COL19A1: variants seen among roughly 807,000 people sequenced by gnomAD.
The protein encoded by COL19A1 is collagen type XIX alpha 1 chain.
A neutral mutation model predicts 190.2 loss-of-function variants in COL19A1; 159 were observed. The observed-to-expected ratio is 0.84, with a 90% confidence interval of 0.73 to 0.95. COL19A1 has a LOEUF of 0.95. COL19A1 is among the 40% of genes least tolerant of loss of function. COL19A1 has a pLI of 0.00. For synonymous variants in COL19A1, 509 were observed against 458.9 expected, an observed-to-expected ratio of 1.11 and a Z score of -1.39; for missense variants, 1,418 against 1,431.9, an observed-to-expected ratio of 0.99 and a Z score of 0.16.
At chr6:70,006,126 A>C (rs1471663748) in intron 11 of COL19A1, among the ~76,000 whole-genome samples, 1 of 152,082 alleles carries the variant, frequency 6.6e-6, no homozygotes, top group Admixed American at 6.5e-5. Flanking sequence ...GCTGGCTGCT[A>C]CCCCTTCCTC....
intron 16 of COL19A1, among the ~76,000 whole-genome samples, chr6:70,103,880 A>G (rs1468921501): frequency 6.6e-6 from 1 of 152,208 alleles, no homozygotes; most frequent in Non-Finnish European, 1.5e-5. Flanking sequence ...TCTAGCCTAT[A>G]GCATGTGATT....
At chr6:70,146,117 G>A (rs897608011) in intron 25 of COL19A1, among the ~76,000 whole-genome samples, 3 of 152,114 alleles carry the variant, frequency 2.0e-5, no homozygotes, top group Non-Finnish European at 4.4e-5. Context: ...AAGATTCCTA[G>A]GTCCCCTGAA....
intron 1 of COL19A1, among the ~76,000 whole-genome samples, chr6:69,869,871 G>A (rs78590943): frequency 0.071 from 10,779 of 152,258 alleles, 537 homozygotes; most frequent in Middle Eastern, 0.23. Flanking sequence ...TAGTTTGGAA[G>A]TAACAGAAGT....
At chr6:69,934,745 A>G (rs549158033) in intron 7 of COL19A1, among the ~76,000 whole-genome samples, 55 of 152,098 alleles carry the variant, frequency 3.6e-4, no homozygotes, top group South Asian at 1.0e-3. Flanking sequence ...TTTGCTGACA[A>G]TTATTTGGAG....
At chr6:69,916,093 T>A (rs926821428) in intron 4 of COL19A1, among the ~76,000 whole-genome samples, 7 of 152,060 alleles carry the variant, frequency 4.6e-5, no homozygotes. Context: ...TCTGCCACCA[T>A]GCCTGGCTAA....
intron 2 of COL19A1, among the ~76,000 whole-genome samples, chr6:69,898,451 T>A (rs1769941559): frequency 6.6e-6 from 1 of 152,200 alleles, no homozygotes; most frequent in Non-Finnish European, 1.5e-5. Flanking sequence ...TTTCTTTTTT[T>A]AAAATTATAG....
At chr6:70,018,563 G>T (rs1315817213) in intron 11 of COL19A1, among the ~76,000 whole-genome samples, 2 of 152,068 alleles carry the variant, frequency 1.3e-5, no homozygotes, top group South Asian at 2.1e-4. Flanking sequence ...AAAAGTGAAG[G>T]CATTGGGGGC....
chr6:69,951,082 AACTTTT>A (rs1774099407), intron 9 of COL19A1, among the ~76,000 whole-genome samples: 1 of 151,880 alleles, frequency 6.6e-6, no homozygotes, highest in Admixed American at 6.6e-5. Flanking sequence ...TTAATAGGAA[AACTTTT>A]ACTAAGTTAA....
At chr6:69,880,219 A>T (rs1333408915) in intron 2 of COL19A1, among the ~76,000 whole-genome samples, 1 of 152,216 alleles carries the variant, frequency 6.6e-6, no homozygotes, top group Non-Finnish European at 1.5e-5. Context: ...AAATATTTCC[A>T]AAAGGCTTAA....
At chr6:70,103,602 G>T (rs184853944) in intron 16 of COL19A1, among the ~76,000 whole-genome samples, 2 of 151,750 alleles carry the variant, frequency 1.3e-5, no homozygotes, top group African/African-American at 4.8e-5. Flanking sequence ...AGTAATCTTC[G>T]CTTACTATTT....
intron 4 of COL19A1, among the ~76,000 whole-genome samples, chr6:69,918,210 G>A (rs1771441394): frequency 6.6e-6 from 1 of 152,198 alleles, no homozygotes; most frequent in South Asian, 2.1e-4. Flanking sequence ...TTATAAGTAA[G>A]GGAGGGACCT....
At chr6:70,150,239 T>G (rs554414756) in intron 30 of COL19A1, among the ~76,000 whole-genome samples, 194 bp downstream of exon 30, 1 of 152,290 alleles carries the variant, frequency 6.6e-6, no homozygotes, top group South Asian at 2.1e-4. Context: ...TGATGAATAC[T>G]TATTTCCTAA....
At chr6:70,003,938 C>A (rs889077684) in intron 11 of COL19A1, among the ~76,000 whole-genome samples, 67 of 152,268 alleles carry the variant, frequency 4.4e-4, no homozygotes, top group African/African-American at 1.6e-3. Flanking sequence ...TTATTTTGCA[C>A]ATTAGTTGAT....
At chr6:69,893,599 CAAGG>C (rs1476355171) in intron 2 of COL19A1, among the ~76,000 whole-genome samples, 1 of 152,176 alleles carries the variant, frequency 6.6e-6, no homozygotes, top group Non-Finnish European at 1.5e-5. Flanking sequence ...TGTGGCATAA[CAAGG>C]AAGAAAATTA....
intron 11 of COL19A1, among the ~76,000 whole-genome samples, chr6:69,977,564 G>C (rs1775792772): frequency 1.3e-5 from 2 of 151,060 alleles, no homozygotes; most frequent in South Asian, 4.2e-4. Flanking sequence ...AAAACTTAAA[G>C]TATAATAATA....
intron 14 of COL19A1, among the ~76,000 whole-genome samples, chr6:70,050,444 G>A (rs531516362): frequency 6.6e-6 from 1 of 152,116 alleles, no homozygotes; most frequent in African/African-American, 2.4e-5. Context: ...TAAACTTCAT[G>A]AGAATAAGAA....
chr6:70,123,714 A>G (rs373247193), intron 17 of COL19A1, among the ~76,000 whole-genome samples: 34 of 149,214 alleles, frequency 2.3e-4, no homozygotes, highest in East Asian at 9.9e-4. Flanking sequence ...AAGAACAAAA[A>G]ACCAAACACC....
intron 14 of COL19A1, among the ~76,000 whole-genome samples, chr6:70,065,727 TC>T (rs1294421005): frequency 1.3e-5 from 2 of 151,952 alleles, no homozygotes; most frequent in African/African-American, 4.8e-5. Flanking sequence ...AGGGCTAATA[TC>T]CAGAATCTAC....
Position 70,207,176 on chromosome 6 carries a change from C to T in COL19A1, c.3331C>T (p.Pro1111Ser), listed in dbSNP as rs746829715. ...ALGLPGSPGA[P>S]GPQGPPGPSG... Reference sequence around the variant, plus strand: ...GGGTTTGCCAGGCTCACCAGGTGCCCCAGGCCCACAGGGCCCCCCAGGACC... The same window carrying T: ...GGGTTTGCCAGGCTCACCAGGTGCCTCAGGCCCACAGGGCCCCCCAGGACC... The change falls in exon 51 of 51, where the codon CCA becomes TCA. Residue 1111 changes from proline (P) to serine (S), a missense_variant. Coordinates refer to ENST00000620364, the MANE Select transcript of COL19A1 (RefSeq NM_001858.6). 3 of 1,613,720 alleles carry T rather than the reference C, an allele frequency of 1.9e-6. No homozygotes were observed. In the South Asian group the frequency reaches 3.3e-5, roughly 18 times the overall value.
Sources: gnomAD v4.1 joint callset for allele counts (sites outside exome capture counted in the v4.1 genomes callset) on GRCh38, gnomAD v4.1.1 for gene constraint, MANE v1.5 for transcripts, NCBI Gene and HGNC (gene_info 2026-07-23, HGNC 2026-07-21) for gene names.